The following TUSC3 variants were observed in gnomAD, a reference collection of about 807,000 sequenced individuals.
The protein encoded by TUSC3 is dolichyl-diphosphooligosaccharide--protein glycosyltransferase subunit TUSC3.
Under a neutral mutation model 44.8 loss-of-function variants are expected in TUSC3, and 45 were observed. That is an observed-to-expected ratio of 1.00 (90% CI 0.79 to 1.29). TUSC3 has a LOEUF of 1.29. TUSC3 is among the 50% of genes most tolerant of loss of function. The pLI, the probability that TUSC3 is intolerant of heterozygous loss-of-function variation, is 0.00. For synonymous variants in TUSC3, 212 were observed against 152.9 expected, an observed-to-expected ratio of 1.39 and a Z score of -2.85; for missense variants, 519 against 437.9, an observed-to-expected ratio of 1.19 and a Z score of -1.65.
intron 6 of TUSC3, among the ~76,000 whole-genome samples, chr8:15,690,850 T>G (rs1808869474): frequency 6.6e-6 from 1 of 151,718 alleles, no homozygotes; most frequent in Admixed American, 6.6e-5. Context: ...TTCTGTTCCA[T>G]TGGTCTGTGT....
upstream of TUSC3, among the ~76,000 whole-genome samples, chr8:15,535,527 C>T (rs917680407): frequency 6.6e-6 from 1 of 152,096 alleles, no homozygotes; most frequent in African/African-American, 2.4e-5. Flanking sequence ...AAAAGACAAA[C>T]AATTATAGGG....
Position 15,567,121 on chromosome 8 carries a change from G to A in TUSC3, c.138+26553G>A, listed in dbSNP as rs79759409. ...TATCTTTCTGGGTCACAGTACTTTC[G>A]GCAGTTAAGAATTAGACTTGAGCCA... On this transcript the variant is annotated intron_variant, in intron 1 of 10. Coordinates refer to ENST00000503731, the MANE Select transcript of TUSC3 (RefSeq NM_006765.4). Among the ~76,000 whole-genome samples the A allele has an allele frequency of 4.7e-3, 720 of 152,096 alleles. 6 individuals are homozygous for A. The highest frequency in any genetic ancestry group is 0.016 in the African/African-American group (652 of 41,482).
chr8:15,501,639 C>A (rs1308031053), intron 2 of TUSC3, among the ~76,000 whole-genome samples: 1 of 152,174 alleles, frequency 6.6e-6, no homozygotes, highest in Non-Finnish European at 1.5e-5. Flanking sequence ...CTGACTCCCA[C>A]AGGTACTCAA....
intron 2 of TUSC3, among the ~76,000 whole-genome samples, chr8:15,507,837 A>C (rs1801078043): frequency 6.6e-6 from 1 of 152,200 alleles, no homozygotes; most frequent in African/African-American, 2.4e-5. Context: ...AAGTGAACAA[A>C]AAAAGATTAA....
At chr8:15,712,950 C>T (rs535560329) in intron 6 of TUSC3, among the ~76,000 whole-genome samples, 3 of 152,240 alleles carry the variant, frequency 2.0e-5, no homozygotes, top group Middle Eastern at 3.4e-3. Flanking sequence ...ATTACACTCT[C>T]TAAGGTCACC....
chr8:15,564,438 C>G (rs1303728154), intron 1 of TUSC3, among the ~76,000 whole-genome samples: 1 of 152,142 alleles, frequency 6.6e-6, no homozygotes, highest in East Asian at 1.9e-4. Flanking sequence ...TATATTATTA[C>G]TGAATATTAT....
chr8:15,839,109 T>C, the TUSC3 span, among the ~76,000 whole-genome samples: 13 of 152,166 alleles, frequency 8.5e-5, no homozygotes, highest in African/African-American at 3.1e-4. Context: ...TATTTTCTTC[T>C]CTTTGAAGCA....
Position 15,583,708 on chromosome 8 carries a change from A to T in TUSC3, c.139-39372A>T, listed in dbSNP as rs75531396. On this transcript the variant is annotated intron_variant, in intron 1 of 10. Transcript: ENST00000503731. ...TCACCTTTAGTGCTCAGCTGTCAAGACTGTACATGCCATATTTTGTGGGAG... is the reference window on the plus strand; with the variant it reads ...TCACCTTTAGTGCTCAGCTGTCAAGTCTGTACATGCCATATTTTGTGGGAG... 6.9e-3 allele frequency among the ~76,000 whole-genome samples: 1,047 copies of T among 152,328 alleles called. 5 individuals are homozygous for T. The highest frequency in any genetic ancestry group is 0.02 in the African/African-American group (847 of 41,582).
chr8:15,784,090 G>T, the TUSC3 span, among the ~76,000 whole-genome samples: 1 of 152,010 alleles, frequency 6.6e-6, no homozygotes, highest in Non-Finnish European at 1.5e-5. Flanking sequence ...CCAGATATAT[G>T]AAAAAATGCT....
intron 2 of TUSC3, among the ~76,000 whole-genome samples, chr8:15,634,790 C>T (rs949782518): frequency 4.6e-5 from 7 of 152,226 alleles, no homozygotes; most frequent in Admixed American, 1.3e-4. Flanking sequence ...GTATCTGTAA[C>T]TTCACCTTTT....
chr8:15,487,282 T>C (rs1262265843), intron 2 of TUSC3, among the ~76,000 whole-genome samples: 1 of 152,216 alleles, frequency 6.6e-6, no homozygotes, highest in East Asian at 1.9e-4. Context: ...GTGTTGGGTT[T>C]TCAAAGCTTC....
chr8:15,773,782 A>G, the TUSC3 span, among the ~76,000 whole-genome samples: 115,759 of 152,012 alleles, frequency 0.76, 44,298 homozygotes, highest in African/African-American at 0.8. Context: ...ATCCAAAAAC[A>G]TACCCATAAC....
Position 15,477,712 on chromosome 8 carries a change from C to G in TUSC3, n.92-5674C>G, listed in dbSNP as rs28609161. Among the ~76,000 whole-genome samples, 1,247 of 152,118 alleles carry G rather than the reference C, an allele frequency of 8.2e-3. 18 individuals are homozygous for G. Among genetic ancestry groups the G allele is most frequent in the African/African-American group, 0.029 (1,191 of 41,506 alleles). ...CTCCAGCCTGGGCAACAGAGTGAGA[C>G]TCTGTCTCAAAAAACAAATAATAAT... On this transcript the variant is annotated intron_variant and non_coding_transcript_variant, in intron 1 of 5. Coordinates refer to the TUSC3 transcript ENST00000503191.
chr8:15,816,697 C>T, the TUSC3 span, among the ~76,000 whole-genome samples: 1 of 152,156 alleles, frequency 6.6e-6, no homozygotes, highest in Non-Finnish European at 1.5e-5. Context: ...GAACAAAAGA[C>T]ATTCACATGC....
intron 6 of TUSC3, among the ~76,000 whole-genome samples, chr8:15,727,944 T>TTCA: frequency 6.6e-6 from 1 of 152,178 alleles, no homozygotes; most frequent in Non-Finnish European, 1.5e-5. Context: ...AGTTAGTAGA[T>TTCA]GGCAAATTCA....
At chr8:15,673,584 T>G (rs1379327317) in intron 5 of TUSC3, among the ~76,000 whole-genome samples, 163 bp from the exon 6 acceptor site, 1 of 152,102 alleles carries the variant, frequency 6.6e-6, no homozygotes, top group Non-Finnish European at 1.5e-5. Context: ...GGAGAATAAG[T>G]AACTTACTCA....
chr8:15,733,614 C>G, intron 7 of TUSC3: 1 of 167,170 alleles, frequency 6.0e-6, no homozygotes, highest in South Asian at 1.3e-4. Flanking sequence ...AGCAGTGATA[C>G]ATAAAAGAAT....
At chr8:15,519,435 C>T (rs1307733160) in intron 2 of TUSC3, among the ~76,000 whole-genome samples, 1 of 152,056 alleles carries the variant, frequency 6.6e-6, no homozygotes, top group Non-Finnish European at 1.5e-5. Flanking sequence ...AGTCAGGGGT[C>T]CTCAGTCCCT....
the TUSC3 span, among the ~76,000 whole-genome samples, chr8:15,801,368 G>GC: frequency 5.3e-5 from 8 of 152,288 alleles, no homozygotes; most frequent in African/African-American, 1.7e-4. Flanking sequence ...TTTAAAGAAT[G>GC]CATCAATGTG....
Sources: gnomAD v4.1 joint callset for allele counts (sites outside exome capture counted in the v4.1 genomes callset) on GRCh38, gnomAD v4.1.1 for gene constraint, MANE v1.5 for transcripts, NCBI Gene and HGNC (gene_info 2026-07-23, HGNC 2026-07-21) for gene names.